The following RSU1 variants were observed in gnomAD, a reference collection of about 807,000 sequenced individuals.
RSU1 encodes the protein Ras suppressor protein 1, also known as rsu-1.
A neutral mutation model predicts 31.1 loss-of-function variants in RSU1; 26 were observed. The observed-to-expected ratio is 0.84, with a 90% CI of 0.61 to 1.16. The LOEUF is 1.16. Among genes scored for constraint, RSU1 ranks in the 50% most tolerant of loss-of-function variants. The pLI, the probability that RSU1 is intolerant of heterozygous loss-of-function variation, is 0.00. For missense variants in RSU1, 320 were observed against 339.1 expected (o/e 0.94, Z 0.44); for synonymous variants, 164 against 136.3 (o/e 1.20, Z -1.41).
chr10:16,641,019 A>C (rs949817857), intron 8 of RSU1, among the ~76,000 whole-genome samples: 1 of 152,232 alleles, frequency 6.6e-6, no homozygotes, highest in Admixed American at 6.5e-5. Flanking sequence ...CATTAAAGTC[A>C]GGCTCTACGT....
chr10:16,740,515 A>T (rs1018679536), intron 7 of RSU1, among the ~76,000 whole-genome samples: 1 of 152,194 alleles, frequency 6.6e-6, no homozygotes, highest in African/African-American at 2.4e-5. Context: ...CAAGAAAATA[A>T]AATTAAAGAC....
At chr10:16,594,638 TGATA>T (rs907651229) in intron 8 of RSU1, among the ~76,000 whole-genome samples, 1 of 144,558 alleles carries the variant, frequency 6.9e-6, no homozygotes, top group African/African-American at 2.6e-5. Flanking sequence ...ATAGATAATA[TGATA>T]TATATGATAT....
rs200536125 is a variant in RSU1, at chr10:16,817,086, T to C, written c.-3-2A>G. The C allele has an allele frequency of 2.3e-5, 37 of 1,606,122 alleles. No individual in the cohort carries two copies. Among genetic ancestry groups the C allele is most frequent in the Non-Finnish European group, 3.1e-5 (36 of 1,172,710 alleles). On this transcript the variant is annotated splice_acceptor_variant, in intron 1 of 8. Transcript: ENST00000345264. LOFTEE classifies it low-confidence loss of function (5UTR_SPLICE). ...CTTCTTCAGAGACTTGGACATGGTC[T>C]GCACCGAACAACAACAAAGCACGTG...
chr10:16,749,121 A>G (rs1836921090), intron 7 of RSU1, among the ~76,000 whole-genome samples: 1 of 152,222 alleles, frequency 6.6e-6, no homozygotes, highest in Non-Finnish European at 1.5e-5. Flanking sequence ...ATGAATGGGT[A>G]CACGAGACTC....
rs11254212 is a variant in RSU1 at position 16,809,993 on chromosome 10, G to T, written c.109+6980C>A. 4.0e-3 allele frequency among the ~76,000 whole-genome samples: 595 copies of T among 148,706 alleles called. 9 individuals carry two copies. Among genetic ancestry groups the T allele is most frequent in the African/African-American group, 0.011 (432 of 40,682 alleles). ...CCCAGCAATTTGGGAGGCCGGGGGTGGGGGGGGGAGGTGAATCACCTGAGG... is the reference window on the plus strand; with the variant it reads ...CCCAGCAATTTGGGAGGCCGGGGGTTGGGGGGGGAGGTGAATCACCTGAGG... On this transcript the variant is annotated intron_variant, in intron 2 of 8. Coordinates refer to ENST00000345264, the MANE Select transcript of RSU1 (RefSeq NM_012425.4).
intron 2 of RSU1, among the ~76,000 whole-genome samples, chr10:16,808,817 T>C (rs1838336884): frequency 6.6e-6 from 1 of 151,912 alleles, no homozygotes; most frequent in South Asian, 2.1e-4. Context: ...TAAAATGAGG[T>C]CCTTAAGGTG....
At chr10:16,762,356 A>G (rs146266814) in intron 4 of RSU1, among the ~76,000 whole-genome samples, 127 of 151,634 alleles carry the variant, frequency 8.4e-4, no homozygotes, top group African/African-American at 2.9e-3. Flanking sequence ...AAATGAACAA[A>G]TTAACAGTAA....
intron 7 of RSU1, among the ~76,000 whole-genome samples, chr10:16,740,369 A>G (rs528487394): frequency 1.4e-4 from 22 of 152,340 alleles, no homozygotes; most frequent in South Asian, 4.1e-4. Context: ...CAAGGTTTAC[A>G]CAAAAAAATC....
rs1334728900 is a variant in RSU1 at position 16,738,498 on chromosome 10, A to G, written c.598+14041T>C. On this transcript the variant is annotated intron_variant, in intron 7 of 8. Transcript: ENST00000345264. ...AAATCAATCACGTAAGCTTTCACCTAAACAAGCTAGAAAAATCACAGCCAG... is the reference window on the plus strand; with the variant it reads ...AAATCAATCACGTAAGCTTTCACCTGAACAAGCTAGAAAAATCACAGCCAG... 2.0e-5 allele frequency among the ~76,000 whole-genome samples: 3 copies of G among 152,296 alleles called. No homozygotes were observed. The East Asian group carries it at 5.8e-4, about 29-fold the overall frequency.
intron 2 of RSU1, among the ~76,000 whole-genome samples, chr10:16,789,181 G>C (rs1032558201): frequency 6.6e-6 from 1 of 152,200 alleles, no homozygotes; most frequent in African/African-American, 2.4e-5. Context: ...TAGCAGGAGA[G>C]AAACTAAAAA....
rs536419223 is a variant in RSU1 at position 16,591,353 on chromosome 10, C to G, written c.*2041G>C. 1.5e-3 allele frequency: 226 copies of G among 152,242 alleles called. No homozygotes were observed. Among genetic ancestry groups the G allele is most frequent in the African/African-American group, 5.1e-3 (210 of 41,546 alleles). The allele number at this position is 152,242 out of a possible 1,614,324, so 9.4% of individuals were successfully genotyped here. A position where few individuals can be genotyped will look rare whatever the true frequency, so the allele number is the denominator to read the frequency against. ...CTATAAGGACAATTCCTAAACATTG[C>G]AGTTTGTGGGGATCTCGGATAATTT... On this transcript the variant is annotated 3_prime_UTR_variant, in exon 9 of 9. Transcript: ENST00000345264.
chr10:16,708,726 G>A (rs564434188), intron 7 of RSU1, among the ~76,000 whole-genome samples: 25 of 151,780 alleles, frequency 1.6e-4, no homozygotes, highest in Non-Finnish European at 2.9e-4. Flanking sequence ...AAAGTAGCTT[G>A]CCATTTATTT....
chr10:16,811,005 G>C (rs531242052), intron 2 of RSU1, among the ~76,000 whole-genome samples: 2 of 148,342 alleles, frequency 1.3e-5, no homozygotes, highest in African/African-American at 5.0e-5. Context: ...CTGGGCAACA[G>C]AGTGAGACCT....
chr10:16,670,916 C>G (rs753125135), intron 8 of RSU1, among the ~76,000 whole-genome samples: 12 of 151,964 alleles, frequency 7.9e-5, no homozygotes, highest in Non-Finnish European at 1.3e-4. Context: ...AGGGGCCCAC[C>G]ACCACGCCCG....
intron 7 of RSU1, among the ~76,000 whole-genome samples, chr10:16,710,013 T>A (rs1206054144): frequency 1.3e-5 from 2 of 152,186 alleles, no homozygotes; most frequent in Non-Finnish European, 2.9e-5. Context: ...CTTTTATATC[T>A]TTCTCTTCCC....
chr10:16,770,557 C>T (rs2131636954), intron 3 of RSU1, among the ~76,000 whole-genome samples: 1 of 152,342 alleles, frequency 6.6e-6, no homozygotes, highest in East Asian at 1.9e-4. Context: ...TTTGCAGAAG[C>T]ACCAAAGGAT....
intron 8 of RSU1, among the ~76,000 whole-genome samples, chr10:16,686,609 G>A (rs1835444584): frequency 6.6e-6 from 1 of 152,018 alleles, no homozygotes; most frequent in African/African-American, 2.4e-5. Flanking sequence ...ACCTTAAATT[G>A]ATACTGTAAT....
intron 8 of RSU1, among the ~76,000 whole-genome samples, chr10:16,620,556 T>TAA (rs148278416): frequency 0.022 from 2,892 of 133,876 alleles, 111 homozygotes; most frequent in African/African-American, 0.071. Context: ...TACAAAATGT[T>TAA]AAAAAAAAAA....
At chr10:16,756,130 C>T (rs1375528809) in intron 4 of RSU1, among the ~76,000 whole-genome samples, 3 of 152,082 alleles carry the variant, frequency 2.0e-5, no homozygotes, top group South Asian at 2.1e-4. Flanking sequence ...TGTTCTACAA[C>T]TGCTAACACT....
Sources: allele counts gnomAD v4.1 joint callset (sites outside exome capture counted in the v4.1 genomes callset), GRCh38; gene constraint gnomAD v4.1.1; transcripts MANE v1.5; gene names NCBI Gene and HGNC (gene_info 2026-07-23, HGNC 2026-07-21).